The following NXPE2 variants were observed in gnomAD, a reference collection of about 807,000 sequenced individuals.
The protein encoded by NXPE2 is NXPE family member 2.
A neutral mutation model predicts 34.4 loss-of-function variants in NXPE2; 34 were observed. The observed-to-expected ratio is 0.99, with a 90% CI of 0.75 to 1.31. The LOEUF is 1.31. Ranked by LOEUF, NXPE2 falls within the 40% of genes most tolerant of loss-of-function variation. The pLI is 0.00. For missense variants in NXPE2, 649 were observed against 672.5 expected (o/e 0.97, Z 0.39); for synonymous variants, 235 against 231.3 (o/e 1.02, Z -0.15).
chr11:114,573,768 C>T, the NXPE2 span, among the ~76,000 whole-genome samples: 125 of 152,098 alleles, frequency 8.2e-4, no homozygotes, highest in Middle Eastern at 6.8e-3. Context: ...TAGTGGGGAA[C>T]TTTAACACTC....
At chr11:114,601,729 T>TG in the NXPE2 span, among the ~76,000 whole-genome samples, 1 of 72,978 alleles carries the variant, frequency 1.4e-5, no homozygotes, top group African/African-American at 5.7e-5. Context: ...TATAATTATA[T>TG]ATTATATATA....
chr11:114,538,842 T>C, the NXPE2 span, among the ~76,000 whole-genome samples: 1,476 of 152,236 alleles, frequency 9.7e-3, 28 homozygotes, highest in African/African-American at 0.034. Context: ...GGTGGGACTG[T>C]AAACTAGTTC....
the NXPE2 span, among the ~76,000 whole-genome samples, chr11:114,519,286 T>C: frequency 4.6e-5 from 7 of 152,356 alleles, no homozygotes; most frequent in African/African-American, 1.7e-4. Flanking sequence ...ATAAAGTACA[T>C]TTCACTATCA....
At chr11:114,493,140 A>C in the NXPE2 span, among the ~76,000 whole-genome samples, 2 of 152,068 alleles carry the variant, frequency 1.3e-5, no homozygotes, top group African/African-American at 2.4e-5. Context: ...ATACTTAAAA[A>C]CTTTTTTGGT....
chr11:114,548,734 A>G, the NXPE2 span, among the ~76,000 whole-genome samples: 4 of 152,006 alleles, frequency 2.6e-5, no homozygotes, highest in Admixed American at 1.3e-4. Flanking sequence ...TTAAACACCC[A>G]GTTAAAAAGT....
chr11:114,808,492 TA>T, the NXPE2 span, among the ~76,000 whole-genome samples: 1 of 118,290 alleles, frequency 8.5e-6, no homozygotes, highest in African/African-American at 3.0e-5. Context: ...ATAGATGCAA[TA>T]AAAAATGATA....
At chr11:114,580,580 GA>G in the NXPE2 span, among the ~76,000 whole-genome samples, 2 of 151,542 alleles carry the variant, frequency 1.3e-5, no homozygotes, top group African/African-American at 2.4e-5. Context: ...TTTCTTCCCA[GA>G]AAAAAAATGG....
chr11:114,637,942 T>C, the NXPE2 span, among the ~76,000 whole-genome samples: 1 of 151,936 alleles, frequency 6.6e-6, no homozygotes, highest in South Asian at 2.1e-4. Flanking sequence ...ATTATGTGTC[T>C]TGGAGTTGCT....
At chr11:114,553,509 T>C in the NXPE2 span, among the ~76,000 whole-genome samples, 1 of 152,214 alleles carries the variant, frequency 6.6e-6, no homozygotes, top group Non-Finnish European at 1.5e-5. Flanking sequence ...ATTTTACTGA[T>C]GGCAGAGTTT....
chr11:114,557,533 C>T, the NXPE2 span, among the ~76,000 whole-genome samples: 4 of 150,658 alleles, frequency 2.7e-5, no homozygotes, highest in Non-Finnish European at 4.4e-5. Flanking sequence ...TCAAGTGATC[C>T]TTCTACCTTA....
At chr11:114,780,108 G>T in the NXPE2 span, among the ~76,000 whole-genome samples, 1 of 152,320 alleles carries the variant, frequency 6.6e-6, no homozygotes. Flanking sequence ...AGTGTCAGAT[G>T]CTTCAATTGG....
the NXPE2 span, among the ~76,000 whole-genome samples, chr11:114,539,077 A>C: frequency 6.6e-6 from 1 of 152,252 alleles, no homozygotes; most frequent in Admixed American, 6.5e-5. Context: ...AATGTGGCAC[A>C]TATACACATG....
In NXPE2 at chr11:114,686,677, A is replaced by C. The variant is rs185139829; in HGVS notation, c.132+6915A>C. ...TTGAATGGCAATTATATTTTTAGTTATTTGAGAAATCTTCAAACTGCTTTT... is the reference window on the plus strand; with the variant it reads ...TTGAATGGCAATTATATTTTTAGTTCTTTGAGAAATCTTCAAACTGCTTTT... On this transcript the variant is annotated intron_variant, in intron 2 of 5. Coordinates refer to ENST00000389586, the MANE Select transcript of NXPE2 (RefSeq NM_182495.6). Among the ~76,000 whole-genome samples the C allele has an allele frequency of 8.5e-5, 13 of 152,214 alleles. No homozygotes were observed. The East Asian group carries it at 1.9e-3, about 23-fold the overall frequency.
chr11:114,643,510 C>G, the NXPE2 span, among the ~76,000 whole-genome samples: 902 of 151,870 alleles, frequency 5.9e-3, 5 homozygotes, highest in African/African-American at 0.02. Context: ...TTATTAAATA[C>G]GGAATCCTTT....
At chr11:114,606,774 A>G in the NXPE2 span, among the ~76,000 whole-genome samples, 4 of 150,510 alleles carry the variant, frequency 2.7e-5, no homozygotes, top group African/African-American at 9.8e-5. Flanking sequence ...GGTAACCACT[A>G]TTATCCAGTC....
At chr11:114,767,243 T>A in the NXPE2 span, among the ~76,000 whole-genome samples, 1 of 152,208 alleles carries the variant, frequency 6.6e-6, no homozygotes, top group East Asian at 1.9e-4. Flanking sequence ...TGCTTTCATT[T>A]ACATTAGCTC....
the NXPE2 span, among the ~76,000 whole-genome samples, chr11:114,621,764 G>T: frequency 6.6e-6 from 1 of 152,000 alleles, no homozygotes; most frequent in South Asian, 2.1e-4. Flanking sequence ...AATAGGTATT[G>T]CCTCATGGGT....
At chr11:114,727,848 T>C in the NXPE2 span, among the ~76,000 whole-genome samples, 38 of 150,126 alleles carry the variant, frequency 2.5e-4, no homozygotes, top group African/African-American at 9.0e-4. Flanking sequence ...ATTTGGAAGA[T>C]CACAATTTTG....
At chr11:114,798,489 TTCTTCTGCC>T in the NXPE2 span, among the ~76,000 whole-genome samples, 2 of 152,162 alleles carry the variant, frequency 1.3e-5, no homozygotes, top group Admixed American at 1.3e-4. Flanking sequence ...GTTCAAGTGA[TTCTTCTGCC>T]TCAGCCTCCT....
Sources: allele counts gnomAD v4.1 joint callset (sites outside exome capture counted in the v4.1 genomes callset), GRCh38; gene constraint gnomAD v4.1.1; transcripts MANE v1.5; gene names NCBI Gene and HGNC (gene_info 2026-07-23, HGNC 2026-07-21).